Variants in OPCML observed in about 807,000 individuals in gnomAD.
The protein encoded by OPCML is opioid-binding protein/cell adhesion molecule.
Under a neutral mutation model 37.8 loss-of-function variants are expected in OPCML, and 13 were observed. That is an observed-to-expected ratio of 0.34 (90% confidence interval 0.22 to 0.55). OPCML has a LOEUF of 0.55. OPCML is among the 20% of genes least tolerant of loss of function. The pLI, the probability that OPCML is intolerant of heterozygous loss-of-function variation, is 0.91. For missense variants in OPCML, 341 were observed against 435.6 expected (o/e 0.78, Z 1.93); for synonymous variants, 176 against 168.8 (o/e 1.04, Z -0.33).
chr11:133,358,882 G>T (rs1158612757), intron 1 of OPCML, among the ~76,000 whole-genome samples: 1 of 152,104 alleles, frequency 6.6e-6, no homozygotes, highest in African/African-American at 2.4e-5. Context: ...CAAGAACAAC[G>T]GTGCTGAAGC....
At chr11:132,561,820 G>A (rs1232448057) in intron 3 of OPCML, among the ~76,000 whole-genome samples, 1 of 152,194 alleles carries the variant, frequency 6.6e-6, no homozygotes, top group Non-Finnish European at 1.5e-5. Flanking sequence ...CCAAATACAT[G>A]TGTTGACATT....
intron 5 of OPCML, 113 bp downstream of exon 5, chr11:132,437,109 T>A (rs2136744919): frequency 6.7e-7 from 1 of 1,488,856 alleles, no homozygotes; most frequent in Non-Finnish European, 9.0e-7. Flanking sequence ...TGAAGTATTT[T>A]CCTGTTGGCA....
intron 4 of OPCML, among the ~76,000 whole-genome samples, chr11:132,473,915 CTG>C (rs1298159663): frequency 3.9e-5 from 6 of 152,208 alleles, no homozygotes; most frequent in East Asian, 1.9e-4. Context: ...AAACAGAACA[CTG>C]TATTTGTAGA....
intron 1 of OPCML, among the ~76,000 whole-genome samples, chr11:133,381,937 C>G (rs976084840): frequency 3.3e-5 from 5 of 152,344 alleles, no homozygotes; most frequent in Non-Finnish European, 5.9e-5. Context: ...CTGAGGCCAG[C>G]CTGGCATGGG....
chr11:133,151,531 A>T (rs1003790260), intron 1 of OPCML, among the ~76,000 whole-genome samples: 1 of 152,150 alleles, frequency 6.6e-6, no homozygotes, highest in African/African-American at 2.4e-5. Flanking sequence ...GAATTTATAA[A>T]AGAGCTTTGG....
At chr11:133,337,062 A>G (rs1943759641) in intron 1 of OPCML, among the ~76,000 whole-genome samples, 1 of 152,228 alleles carries the variant, frequency 6.6e-6, no homozygotes, top group Non-Finnish European at 1.5e-5. Flanking sequence ...TCTTAGAGGC[A>G]AAAGAGAAGC....
chr11:132,981,775 T>C (rs1223113849), intron 1 of OPCML, among the ~76,000 whole-genome samples: 1 of 152,146 alleles, frequency 6.6e-6, no homozygotes, highest in Non-Finnish European at 1.5e-5. Flanking sequence ...GACAGGAAAC[T>C]ATGATAGCTG....
intron 3 of OPCML, among the ~76,000 whole-genome samples, chr11:132,529,879 G>C (rs2096319395): frequency 6.6e-6 from 1 of 152,154 alleles, no homozygotes; most frequent in South Asian, 2.1e-4. Flanking sequence ...ACTCCAAATT[G>C]TATTTTTTAA....
intron 2 of OPCML, among the ~76,000 whole-genome samples, chr11:132,844,061 A>C (rs1291922533): frequency 6.6e-6 from 1 of 152,172 alleles, no homozygotes; most frequent in African/African-American, 2.4e-5. Context: ...TGGTTTTATA[A>C]GGGGGAGATT....
chr11:133,095,822 G>A (rs1056939089), intron 1 of OPCML, among the ~76,000 whole-genome samples: 1 of 151,576 alleles, frequency 6.6e-6, no homozygotes, highest in African/African-American at 2.4e-5. Flanking sequence ...AAAGTGTTGA[G>A]AAAATCGAAA....
intron 1 of OPCML, among the ~76,000 whole-genome samples, chr11:133,045,595 C>T (rs1000156612): frequency 5.3e-5 from 8 of 152,160 alleles, no homozygotes; most frequent in African/African-American, 1.7e-4. Context: ...GGTGGGACAC[C>T]GCCTCCCCGC....
At chr11:133,347,859 T>C (rs1056338731) in intron 1 of OPCML, among the ~76,000 whole-genome samples, 1 of 152,160 alleles carries the variant, frequency 6.6e-6, no homozygotes, top group Non-Finnish European at 1.5e-5. Flanking sequence ...GCCTGAATTT[T>C]ATAATCCCAG....
chr11:133,511,558 T>C (rs2120625276), intron 1 of OPCML, among the ~76,000 whole-genome samples: 1 of 152,282 alleles, frequency 6.6e-6, no homozygotes, highest in South Asian at 2.1e-4. Context: ...CCAGTCCTTC[T>C]GCCTGGAATG....
chr11:133,232,267 T>C (rs1940313820), intron 1 of OPCML, among the ~76,000 whole-genome samples: 1 of 152,170 alleles, frequency 6.6e-6, no homozygotes, highest in Admixed American at 6.6e-5. Context: ...AACTACTCTT[T>C]GATGAGAAAC....
intron 1 of OPCML, among the ~76,000 whole-genome samples, chr11:133,093,899 T>G (rs1215168882): frequency 6.6e-6 from 1 of 152,078 alleles, no homozygotes; most frequent in African/African-American, 2.4e-5. Flanking sequence ...AATAGATAAA[T>G]CTTAATTTTA....
intron 1 of OPCML, among the ~76,000 whole-genome samples, chr11:133,151,181 G>T (rs1009126425): frequency 6.6e-6 from 1 of 152,038 alleles, no homozygotes; most frequent in Non-Finnish European, 1.5e-5. Flanking sequence ...GCTGAGGCAG[G>T]AGAATCACTT....
rs1591905490 is a variant in OPCML at position 133,007,934 on chromosome 11, T to A, written c.62-64924A>T. 3 of 985,378 alleles carry A rather than the reference T, an allele frequency of 3.0e-6. No homozygotes were observed. In the African/African-American group the frequency reaches 5.2e-5, roughly 17 times the overall value. The allele number at this position is 985,378 out of a possible 1,614,324, so 61.0% of individuals were successfully genotyped here. A position where few individuals can be genotyped will look rare whatever the true frequency, so the allele number is the denominator to read the frequency against. On this transcript the variant is annotated intron_variant, in intron 1 of 7. Transcript: ENST00000524381. The stretch of plus-strand genomic sequence containing the variant: ...GCATTTGAGGTCCATTGTGCATTTA[T>A]GTTTTATATATTCACAGACATGCAG...
At chr11:133,396,537 G>A (rs927787284) in intron 1 of OPCML, among the ~76,000 whole-genome samples, 2 of 151,996 alleles carry the variant, frequency 1.3e-5, no homozygotes, top group Non-Finnish European at 2.9e-5. Flanking sequence ...TTACCCCAAG[G>A]CTCAACTCAG....
At chr11:132,568,041 T>TGA (rs1476854308) in intron 3 of OPCML, among the ~76,000 whole-genome samples, 2 of 150,398 alleles carry the variant, frequency 1.3e-5, no homozygotes, top group South Asian at 2.1e-4. Context: ...TGTGTGTGTG[T>TGA]GCGCGCGCGC....
Sources: allele counts gnomAD v4.1 joint callset (sites outside exome capture counted in the v4.1 genomes callset), GRCh38; gene constraint gnomAD v4.1.1; transcripts MANE v1.5; gene names NCBI Gene and HGNC (gene_info 2026-07-23, HGNC 2026-07-21).